Variants in DMD observed in about 807,000 individuals in gnomAD.
DMD encodes mutant dystrophin.
DMD carries 63 observed loss-of-function variants against 330.1 expected under a neutral mutation model. The observed-to-expected ratio is 0.19, with a 90% CI of 0.16 to 0.24. The LOEUF (loss-of-function observed/expected upper bound fraction) is 0.24. DMD is among the 10% of genes least tolerant of loss of function. The pLI, the probability that DMD is intolerant of heterozygous loss-of-function variation, is 1.00. For missense variants in DMD, 3,344 were observed against 2,684.1 expected (o/e 1.25, Z -5.43); for synonymous variants, 1,223 against 959.8 (o/e 1.27, Z -5.07).
chrX:32,413,710 CTTTT>C (rs779787287), intron 29 of DMD, among the ~76,000 whole-genome samples: 1 of 78,577 alleles, frequency 1.3e-5, no homozygotes. Flanking sequence ...AAGCTCTATT[CTTTT>C]TTTTTTTTTT....
chrX:32,685,181 C>G, intron 9 of DMD, among the ~76,000 whole-genome samples: 1 of 110,929 alleles, frequency 9.0e-6, no homozygotes, highest in Non-Finnish European at 1.9e-5. Flanking sequence ...ATTTGAGGTA[C>G]CAAATAGTTA....
chrX:33,234,050 C>T (rs960412142), intron 1 of DMD, among the ~76,000 whole-genome samples: 2 of 111,459 alleles, frequency 1.8e-5, no homozygotes, highest in Non-Finnish European at 3.8e-5. Context: ...AGCTTGGATT[C>T]CAATGCAGAT....
intron 43 of DMD, among the ~76,000 whole-genome samples, chrX:32,248,728 C>G (rs898262118): frequency 9.0e-6 from 1 of 110,852 alleles, no homozygotes; most frequent in East Asian, 2.8e-4. Context: ...GTGCACTCCA[C>G]TATGCCAAGT....
intron 55 of DMD, among the ~76,000 whole-genome samples, chrX:31,571,451 T>G (rs1365575848): frequency 9.0e-6 from 1 of 110,557 alleles, no homozygotes; most frequent in Non-Finnish European, 1.9e-5. Context: ...TTTTAAAATA[T>G]TGTAATTTTT....
intron 1 of DMD, chrX:33,128,363 G>T: frequency 2.9e-6 from 3 of 1,022,620 alleles, no homozygotes; most frequent in Non-Finnish European, 2.5e-6. Context: ...TTTTGCACCT[G>T]TTTCTTCCAC....
chrX:32,322,298 A>G (rs768187086), intron 41 of DMD, among the ~76,000 whole-genome samples: 2 of 111,997 alleles, frequency 1.8e-5, no homozygotes, highest in East Asian at 5.6e-4. Flanking sequence ...GTGGGTCACA[A>G]CTGAAATCCC....
At position 33,250,085 on chromosome X, in the gene DMD, T is replaced by TTATATATATATA. The variant is rs560212408; in HGVS notation, c.7+89162_7+89173dup. On this transcript the variant is annotated intron_variant, in intron 1 of 17. Coordinates refer to the DMD transcript ENST00000288447. ...AGCCCACATAGTAGTAAACTATTCA[T>TTATATATATATA]TATATATATATATATATATATATAT... Among the ~76,000 whole-genome samples the TTATATATATATA allele has an allele frequency of 2.1e-3, 162 of 75,398 alleles. 2 individuals carry two copies. The highest frequency in any genetic ancestry group is 0.011 in the African/African-American group (146 of 13,869). 65.5% of individuals were successfully genotyped at this position (75,398 alleles called of 115,157 possible). A position where few individuals can be genotyped will look rare whatever the true frequency, so the allele number is the denominator to read the frequency against.
chrX:31,559,244 T>C (rs1360757762), intron 55 of DMD, among the ~76,000 whole-genome samples: 1 of 111,478 alleles, frequency 9.0e-6, no homozygotes, highest in Non-Finnish European at 1.9e-5. Flanking sequence ...TGGATCTGTG[T>C]ATTCCTATAT....
chrX:31,939,459 C>G (rs999115691), intron 45 of DMD, among the ~76,000 whole-genome samples: 2 of 111,891 alleles, frequency 1.8e-5, no homozygotes, highest in Non-Finnish European at 3.8e-5. Flanking sequence ...GTTAGCAATG[C>G]GAATATCTGT....
chrX:32,051,441 G>A (rs1342069893), intron 44 of DMD, among the ~76,000 whole-genome samples: 1 of 110,312 alleles, frequency 9.1e-6, no homozygotes, highest in Non-Finnish European at 1.9e-5. Flanking sequence ...TGTAATGATA[G>A]AATGTAATTT....
chrX:32,611,409 C>T (rs1195820391), intron 12 of DMD, among the ~76,000 whole-genome samples: 3 of 111,193 alleles, frequency 2.7e-5, no homozygotes, highest in South Asian at 3.7e-4. Flanking sequence ...CTGTTGCCTT[C>T]TTTTGTTTCA....
At chrX:32,538,133 A>C (rs898560032) in intron 17 of DMD, among the ~76,000 whole-genome samples, 4 of 112,089 alleles carry the variant, frequency 3.6e-5, no homozygotes, top group Non-Finnish European at 7.5e-5. Context: ...AGCATCCCTT[A>C]ACCTGCCCAG....
chrX:31,861,677 C>A (rs377715440), intron 48 of DMD, among the ~76,000 whole-genome samples: 1 of 88,198 alleles, frequency 1.1e-5, no homozygotes, highest in Non-Finnish European at 2.2e-5. Context: ...TATATATATA[C>A]ACACACACAC....
At chrX:32,527,366 C>T (rs1033577038) in intron 17 of DMD, among the ~76,000 whole-genome samples, 5 of 111,377 alleles carry the variant, frequency 4.5e-5, no homozygotes, top group East Asian at 2.8e-4. Context: ...CAGAGTTTTC[C>T]GAAGTGAGAA....
chrX:31,452,445 TGG>T (rs1046094889), intron 59 of DMD, among the ~76,000 whole-genome samples: 4 of 109,157 alleles, frequency 3.7e-5, no homozygotes, highest in African/African-American at 1.4e-4. Flanking sequence ...TAGCCGGGCA[TGG>T]TGGTGCACAC....
chrX:32,545,812 A>G (rs2048911596), intron 16 of DMD, among the ~76,000 whole-genome samples: 1 of 111,526 alleles, frequency 9.0e-6, no homozygotes, highest in South Asian at 3.8e-4. Context: ...ATTTTTAAAT[A>G]AAATTATTTC....
At chrX:32,194,501 T>C (rs893123751) in intron 44 of DMD, among the ~76,000 whole-genome samples, 6 of 112,380 alleles carry the variant, frequency 5.3e-5, no homozygotes, top group African/African-American at 1.6e-4. Context: ...TTCATTCATA[T>C]GGTTGCTTTT....
chrX:31,182,640 C>G, intron 68 of DMD, 98 bp downstream of exon 68: 1 of 855,514 alleles, frequency 1.2e-6, no homozygotes, highest in African/African-American at 2.0e-5. Context: ...GGAGACGGTA[C>G]GAACTAACAG....
At chrX:31,136,461 C>G (rs1331940703) in intron 76 of DMD, among the ~76,000 whole-genome samples, 1 of 112,260 alleles carries the variant, frequency 8.9e-6, no homozygotes, top group Non-Finnish European at 1.9e-5. Flanking sequence ...CTGATTACAT[C>G]TCTCTGTTTC....
Sources: gnomAD v4.1 joint callset for allele counts (sites outside exome capture counted in the v4.1 genomes callset) on GRCh38, gnomAD v4.1.1 for gene constraint, MANE v1.5 for transcripts, NCBI Gene and HGNC (gene_info 2026-07-23, HGNC 2026-07-21) for gene names.